Variants in TTC28 observed in about 807,000 individuals in gnomAD.
TTC28 encodes the protein tetratricopeptide repeat protein 28.
TTC28 carries 61 observed loss-of-function variants against 198.0 expected under a neutral mutation model. The ratio of observed to expected loss-of-function variants is 0.31; its 90% CI spans 0.25 to 0.38. The LOEUF (loss-of-function observed/expected upper bound fraction) is 0.38. TTC28 is among the 10% of genes least tolerant of loss of function. The pLI is 1.00. For missense variants in TTC28, 2,678 were observed against 3,164.0 expected, an observed-to-expected ratio of 0.85 and a Z score of 3.69; for synonymous variants, 1,171 against 1,297.8, an observed-to-expected ratio of 0.90 and a Z score of 2.10.
chr22:28,138,446 TGA>T (rs981185427), intron 6 of TTC28, among the ~76,000 whole-genome samples: 54 of 152,350 alleles, frequency 3.5e-4, no homozygotes, highest in African/African-American at 1.3e-3. Flanking sequence ...GAAGCTTTAA[TGA>T]CTAATAAAAT....
intron 5 of TTC28, among the ~76,000 whole-genome samples, chr22:28,261,954 T>C (rs1442798864): frequency 6.6e-6 from 1 of 152,186 alleles, no homozygotes; most frequent in Non-Finnish European, 1.5e-5. Context: ...ATTCTAAGAC[T>C]CTGTATCAGA....
At chr22:28,153,528 A>G (rs1943665207) in intron 6 of TTC28, among the ~76,000 whole-genome samples, 1 of 152,030 alleles carries the variant, frequency 6.6e-6, no homozygotes, top group Non-Finnish European at 1.5e-5. Flanking sequence ...GAAGAATTAA[A>G]TATGAAAATG....
At chr22:28,168,318 C>T (rs1922257332) in intron 5 of TTC28, among the ~76,000 whole-genome samples, 1 of 152,210 alleles carries the variant, frequency 6.6e-6, no homozygotes, top group Admixed American at 6.5e-5. Context: ...TTGGAAAAAA[C>T]TACTTTAAAG....
At chr22:28,210,548 G>A (rs923024994) in intron 5 of TTC28, among the ~76,000 whole-genome samples, 9 of 152,190 alleles carry the variant, frequency 5.9e-5, no homozygotes, top group African/African-American at 2.2e-4. Flanking sequence ...AGTGATGGAA[G>A]AGCAAATGAA....
intron 2 of TTC28, among the ~76,000 whole-genome samples, chr22:28,363,038 C>T (rs1386627571): frequency 6.6e-6 from 1 of 152,108 alleles, no homozygotes; most frequent in Non-Finnish European, 1.5e-5. Context: ...CAGAAATTTG[C>T]ATAAGTAACA....
chr22:27,996,281 A>AC, intron 16 of TTC28, 22 bp from the exon 17 acceptor site: 4 of 1,548,264 alleles, frequency 2.6e-6, no homozygotes, highest in Non-Finnish European at 3.5e-6. Context: ...AAAGGAGGGC[A>AC]CCTCAGCAGG....
At chr22:28,149,196 A>T (rs897291523) in intron 6 of TTC28, among the ~76,000 whole-genome samples, 1 of 152,222 alleles carries the variant, frequency 6.6e-6, no homozygotes, top group African/African-American at 2.4e-5. Flanking sequence ...ACTGTAACAC[A>T]ATAGTAGATG....
At chr22:28,188,629 A>G (rs1158808776) in intron 5 of TTC28, among the ~76,000 whole-genome samples, 2 of 152,202 alleles carry the variant, frequency 1.3e-5, no homozygotes, top group African/African-American at 2.4e-5. Context: ...TACACTAAAA[A>G]CAGGGCCGTG....
At chr22:28,144,680 A>G (rs1569161148) in intron 6 of TTC28, among the ~76,000 whole-genome samples, 2 of 152,232 alleles carry the variant, frequency 1.3e-5, no homozygotes, top group South Asian at 4.1e-4. Flanking sequence ...CTACTTGTCA[A>G]TTTACGTGGC....
chr22:28,161,325 G>A (rs1601405359), intron 6 of TTC28, among the ~76,000 whole-genome samples: 1 of 152,138 alleles, frequency 6.6e-6, no homozygotes, highest in East Asian at 1.9e-4. Flanking sequence ...GAGGCCAGGA[G>A]TTCGAGACTA....
At chr22:28,048,902 A>T (rs1478558061) in intron 12 of TTC28, among the ~76,000 whole-genome samples, 2 of 152,080 alleles carry the variant, frequency 1.3e-5, no homozygotes, top group Non-Finnish European at 2.9e-5. Flanking sequence ...CCTCCAAGAC[A>T]AGCTCAAATG....
At chr22:28,628,857 A>C (rs1477076081) in intron 2 of TTC28, among the ~76,000 whole-genome samples, 1 of 151,888 alleles carries the variant, frequency 6.6e-6, no homozygotes, top group African/African-American at 2.4e-5. Context: ...GCAGTGAGTC[A>C]AGATTGCACC....
chr22:28,185,355 G>A (rs1032190674), intron 5 of TTC28, among the ~76,000 whole-genome samples: 2 of 152,066 alleles, frequency 1.3e-5, no homozygotes, highest in Non-Finnish European at 2.9e-5. Flanking sequence ...TTTGTACCGT[G>A]CACGAGGCAT....
intron 17 of TTC28, chr22:27,994,658 G>A (rs1937519499): frequency 6.6e-6 from 1 of 152,246 alleles, no homozygotes. Context: ...TAGAAGGTAG[G>A]GGCTGGGGAA....
At chr22:28,595,656 T>C (rs1012068210) in intron 2 of TTC28, among the ~76,000 whole-genome samples, 1 of 152,202 alleles carries the variant, frequency 6.6e-6, no homozygotes, top group Non-Finnish European at 1.5e-5. Flanking sequence ...CCAGGCGCAG[T>C]GACTCACGCC....
chr22:28,629,393 C>T (rs758998295), intron 2 of TTC28, 159 bp downstream of exon 2: 8 of 666,378 alleles, frequency 1.2e-5, no homozygotes, highest in Middle Eastern at 4.2e-4. Context: ...GGAAGCTTTT[C>T]GCTAGTGTAC....
At chr22:28,211,939 G>C (rs895675203) in intron 5 of TTC28, among the ~76,000 whole-genome samples, 2 of 152,100 alleles carry the variant, frequency 1.3e-5, no homozygotes, top group African/African-American at 4.8e-5. Context: ...TCAGACCACA[G>C]TGCAATCAAA....
intron 2 of TTC28, among the ~76,000 whole-genome samples, chr22:28,375,288 T>A (rs1269780740): frequency 6.6e-6 from 1 of 152,200 alleles, no homozygotes; most frequent in Non-Finnish European, 1.5e-5. Flanking sequence ...GCTGAAGGAC[T>A]TCATATGCAC....
chr22:28,633,791 A>G (rs1019161511), intron 1 of TTC28, among the ~76,000 whole-genome samples: 1 of 152,230 alleles, frequency 6.6e-6, no homozygotes, highest in Non-Finnish European at 1.5e-5. Context: ...CTCAGGAGAC[A>G]AGGATGAACA....
Sources: allele counts gnomAD v4.1 joint callset (sites outside exome capture counted in the v4.1 genomes callset), GRCh38; gene constraint gnomAD v4.1.1; transcripts MANE v1.5; gene names NCBI Gene and HGNC (gene_info 2026-07-23, HGNC 2026-07-21).